DPF3: variants seen among roughly 807,000 people sequenced by gnomAD.
DPF3 encodes the protein double PHD fingers 3, also known as zinc finger protein DPF3.
DPF3 carries 18 observed loss-of-function variants against 56.8 expected under a neutral mutation model. The observed-to-expected ratio is 0.32, with a 90% confidence interval of 0.22 to 0.47. The LOEUF (loss-of-function observed/expected upper bound fraction) is 0.47. DPF3 is among the 20% of genes least tolerant of loss of function. DPF3 has a pLI of 1.00. For missense variants in DPF3, 403 were observed against 488.8 expected (o/e 0.82, Z 1.65); for synonymous variants, 188 against 180.2 (o/e 1.04, Z -0.35).
intron 8 of DPF3, among the ~76,000 whole-genome samples, 164 bp from the exon 9 acceptor site, chr14:72,629,900 C>A (rs1885068947): frequency 6.6e-6 from 1 of 152,158 alleles, no homozygotes; most frequent in Non-Finnish European, 1.5e-5. Flanking sequence ...ACATTCTTCA[C>A]CACCCAGTTA....
Position 72,872,988 on chromosome 14 carries a change from A to T in DPF3, c.32+21069T>A, listed in dbSNP as rs1392848056. On this transcript the variant is annotated intron_variant, in intron 1 of 10. Transcript: ENST00000556509. Reference sequence around the variant, plus strand: ...AAAACCCTAGAAGAAAACCTAGGCAATACCATTCAGGACATAGGCATAGGC... The same window carrying T: ...AAAACCCTAGAAGAAAACCTAGGCATTACCATTCAGGACATAGGCATAGGC... Among the ~76,000 whole-genome samples the T allele has an allele frequency of 3.3e-5, 5 of 152,356 alleles. No homozygotes were observed. In the South Asian group the frequency reaches 6.2e-4, roughly 19 times the overall value.
intron 1 of DPF3, among the ~76,000 whole-genome samples, chr14:72,791,394 A>G (rs1043435249): frequency 6.6e-6 from 1 of 152,118 alleles, no homozygotes; most frequent in Non-Finnish European, 1.5e-5. Context: ...CTCTGTCTCC[A>G]AGACCTATAA....
intron 1 of DPF3, among the ~76,000 whole-genome samples, chr14:72,858,470 G>C (rs72732424): frequency 0.087 from 13,251 of 152,246 alleles, 714 homozygotes; most frequent in South Asian, 0.18. Context: ...TGGGATCTTA[G>C]CAAGTGATTT....
Position 72,619,165 on chromosome 14 carries a change from C to G in DPF3, c.*132G>C, listed in dbSNP as rs556093338. 1.6e-4 allele frequency: 146 copies of G among 888,578 alleles called. 1 individual carries two copies. In the South Asian group the frequency reaches 2.0e-3, roughly 12 times the overall value. 55.0% of individuals were successfully genotyped at this position (888,578 alleles called of 1,614,324 possible). On this transcript the variant is annotated 3_prime_UTR_variant, in exon 11 of 11. Coordinates refer to ENST00000556509, the MANE Select transcript of DPF3 (RefSeq NM_001280542.3). ...CTCACCCTCTTCGTTCCATGTGTCC[C>G]TGCCCCTCTGGGACTATTTCTTTTC...
intron 2 of DPF3, among the ~76,000 whole-genome samples, chr14:72,763,932 T>C (rs1891160026): frequency 6.6e-6 from 1 of 152,242 alleles, no homozygotes; most frequent in Admixed American, 6.5e-5. Flanking sequence ...ATTTGAACTT[T>C]ACCAAAGAAC....
chr14:72,782,227 A>AT (rs66977010), intron 1 of DPF3, among the ~76,000 whole-genome samples: 32 of 139,792 alleles, frequency 2.3e-4, no homozygotes, highest in African/African-American at 5.5e-4. Context: ...AGCCCAAGTG[A>AT]TTTTTTTTTT....
At position 72,611,066 on chromosome 14, in the gene DPF3, C is replaced by A. The variant is rs926312672; in HGVS notation, c.*8231G>T. The stretch of plus-strand genomic sequence containing the variant: ...ACAGAGATCACCAGAATTCTCCTCA[C>A]TGGGAGTCATGTGCCATCCAGGGCC... On this transcript the variant is annotated 3_prime_UTR_variant, in exon 11 of 11. Coordinates refer to ENST00000556509, the MANE Select transcript of DPF3 (RefSeq NM_001280542.3). Among the ~76,000 whole-genome samples, 2 of 152,220 alleles carry A rather than the reference C, an allele frequency of 1.3e-5. No individual in the cohort carries two copies. The highest frequency in any genetic ancestry group is 4.8e-5 in the African/African-American group (2 of 41,458).
intron 8 of DPF3, among the ~76,000 whole-genome samples, chr14:72,653,828 C>T (rs931887809): frequency 1.3e-5 from 2 of 151,998 alleles, no homozygotes; most frequent in Non-Finnish European, 2.9e-5. Context: ...GTGGGAAATG[C>T]CCATGGAATT....
chr14:72,650,654 G>A (rs1011847347), intron 8 of DPF3, among the ~76,000 whole-genome samples: 11 of 152,028 alleles, frequency 7.2e-5, no homozygotes, highest in African/African-American at 2.2e-4. Flanking sequence ...CACCCCATAG[G>A]TACCCTGGAT....
chr14:72,749,835 G>C (rs1890488170), intron 3 of DPF3, among the ~76,000 whole-genome samples: 1 of 149,068 alleles, frequency 6.7e-6, no homozygotes, highest in African/African-American at 2.5e-5. Context: ...GTGACAGAGT[G>C]AGACCCTGTT....
At chr14:72,730,574 A>G (rs1889599973) in intron 4 of DPF3, among the ~76,000 whole-genome samples, 1 of 152,132 alleles carries the variant, frequency 6.6e-6, no homozygotes, top group South Asian at 2.1e-4. Flanking sequence ...CTGGCTATCG[A>G]TGGAACTTAC....
Position 72,611,107 on chromosome 14 carries a change from C to T in DPF3, c.*8190G>A, listed in dbSNP as rs573316260. 1.3e-5 allele frequency among the ~76,000 whole-genome samples: 2 copies of T among 152,302 alleles called. No homozygotes were observed. Among genetic ancestry groups the T allele is most frequent in the African/African-American group, 4.8e-5 (2 of 41,564 alleles). On this transcript the variant is annotated 3_prime_UTR_variant, in exon 11 of 11. Coordinates refer to ENST00000556509, the MANE Select transcript of DPF3 (RefSeq NM_001280542.3). ...ATCCAGGGCCCCAGAGGAGCCTTCCCTTGGGCCACCCCCCACAGAGAAGCT... is the reference window on the plus strand; with the variant it reads ...ATCCAGGGCCCCAGAGGAGCCTTCCTTTGGGCCACCCCCCACAGAGAAGCT...
intron 1 of DPF3, among the ~76,000 whole-genome samples, chr14:72,795,698 G>A (rs998782156): frequency 2.0e-5 from 3 of 152,202 alleles, no homozygotes; most frequent in Non-Finnish European, 4.4e-5. Flanking sequence ...TTTGGCCAAT[G>A]CAGACTGACC....
intron 8 of DPF3, among the ~76,000 whole-genome samples, chr14:72,658,839 G>A (rs1217906730): frequency 6.6e-6 from 1 of 152,178 alleles, no homozygotes; most frequent in Non-Finnish European, 1.5e-5. Flanking sequence ...CAGACTGGCA[G>A]CCCTTGGGAA....
In DPF3 at chr14:72,613,382, G is replaced by A. The variant is rs1050516918; in HGVS notation, c.*5915C>T. On this transcript the variant is annotated 3_prime_UTR_variant, in exon 11 of 11. Transcript: ENST00000556509. ...TAAGTAATTATATCTCTGTCCAAGA[G>A]GGTTCTGGCTGCCTGCCAGTCCTGG... is the stretch of plus-strand genomic sequence containing the variant. Among the ~76,000 whole-genome samples, 6 of 152,200 alleles carry A rather than the reference G, an allele frequency of 3.9e-5. No individual in the cohort carries two copies. Among genetic ancestry groups the A allele is most frequent in the African/African-American group, 1.4e-4 (6 of 41,448 alleles).
At chr14:72,706,579 C>G (rs960616611) in intron 6 of DPF3, among the ~76,000 whole-genome samples, 1 of 152,168 alleles carries the variant, frequency 6.6e-6, no homozygotes, top group Non-Finnish European at 1.5e-5. Flanking sequence ...AGCAAAATGA[C>G]TTTCTCGATG....
At chr14:72,856,203 G>A (rs1334860036) in intron 1 of DPF3, among the ~76,000 whole-genome samples, 1 of 152,180 alleles carries the variant, frequency 6.6e-6, no homozygotes, top group East Asian at 1.9e-4. Context: ...ATCAGTCACA[G>A]CCCCACCTTA....
chr14:72,749,245 A>G (rs1890454976), intron 3 of DPF3, among the ~76,000 whole-genome samples: 1 of 152,226 alleles, frequency 6.6e-6, no homozygotes, highest in Non-Finnish European at 1.5e-5. Flanking sequence ...AAAGGAGATC[A>G]TTTTGGAGTT....
rs541662505 is a variant in DPF3 at position 72,741,555 on chromosome 14, C to T, written c.302-9621G>A. On this transcript the variant is annotated intron_variant, in intron 3 of 10. Coordinates refer to ENST00000556509, the MANE Select transcript of DPF3 (RefSeq NM_001280542.3). The stretch of plus-strand genomic sequence containing the variant: ...CAAGGGAAGCCAAGCTCAGCCACCC[C>T]AGGCCTCTCCTCTCTGGCGGAGCCT... Among the ~76,000 whole-genome samples the T allele has an allele frequency of 1.6e-4, 25 of 152,368 alleles. No individual in the cohort carries two copies. In the East Asian group the frequency reaches 4.0e-3, roughly 25 times the overall value.
Sources: allele counts gnomAD v4.1 joint callset (sites outside exome capture counted in the v4.1 genomes callset), GRCh38; gene constraint gnomAD v4.1.1; transcripts MANE v1.5; gene names NCBI Gene and HGNC (gene_info 2026-07-23, HGNC 2026-07-21).